Variants in SUPT3H observed in about 807,000 individuals in gnomAD.
SUPT3H encodes transcription initiation protein SPT3 homolog.
In SUPT3H, 44 loss-of-function variants were observed where a neutral mutation model predicts 44.3. That is an observed-to-expected ratio of 0.99 (90% CI 0.78 to 1.28). The LOEUF is 1.28. Ranked by LOEUF, SUPT3H falls within the 50% of genes most tolerant of loss-of-function variation. The pLI is 0.00. For synonymous variants in SUPT3H, 124 were observed against 125.6 expected, an observed-to-expected ratio of 0.99 and a Z score of 0.09; for missense variants, 380 against 387.1, an observed-to-expected ratio of 0.98 and a Z score of 0.15.
At chr6:45,108,065 C>G (rs115405894) in intron 2 of SUPT3H, among the ~76,000 whole-genome samples, 3,387 of 152,310 alleles carry the variant, frequency 0.022, 127 homozygotes, top group African/African-American at 0.077. Flanking sequence ...TACTATCCAA[C>G]TTAATGGTGA....
At chr6:45,107,168 C>T (rs1289055927) in intron 2 of SUPT3H, among the ~76,000 whole-genome samples, 4 of 151,906 alleles carry the variant, frequency 2.6e-5, no homozygotes, top group African/African-American at 4.8e-5. Flanking sequence ...TGAAAATGCA[C>T]AATAATATAT....
intron 6 of SUPT3H, among the ~76,000 whole-genome samples, chr6:44,996,760 C>T (rs1781331385): frequency 1.3e-5 from 2 of 151,792 alleles, no homozygotes; most frequent in African/African-American, 4.8e-5. Context: ...TTCCATATTA[C>T]CTGTGGTTAT....
chr6:44,902,899 T>C (rs930388765), intron 10 of SUPT3H, among the ~76,000 whole-genome samples: 6 of 152,086 alleles, frequency 3.9e-5, no homozygotes, highest in African/African-American at 1.4e-4. Flanking sequence ...CTCAACTACA[T>C]GGAAACTGAA....
chr6:44,894,856 T>A (rs890899259), intron 10 of SUPT3H, among the ~76,000 whole-genome samples: 2 of 151,912 alleles, frequency 1.3e-5, no homozygotes, highest in African/African-American at 4.8e-5. Flanking sequence ...TATAACATTT[T>A]AAAATAATAT....
At chr6:44,912,655 T>C (rs1239764025) in intron 10 of SUPT3H, among the ~76,000 whole-genome samples, 3 of 152,184 alleles carry the variant, frequency 2.0e-5, no homozygotes, top group Non-Finnish European at 4.4e-5. Context: ...TCTTGATTAT[T>C]CCAGTTGTTG....
intron 2 of SUPT3H, among the ~76,000 whole-genome samples, chr6:45,221,154 A>G (rs1765981471): frequency 6.6e-6 from 1 of 152,184 alleles, no homozygotes; most frequent in South Asian, 2.1e-4. Context: ...GTTCTCACTC[A>G]TAGGTGGGAA....
chr6:44,983,341 A>T (rs1389895591), intron 6 of SUPT3H, among the ~76,000 whole-genome samples: 1 of 152,192 alleles, frequency 6.6e-6, no homozygotes, highest in African/African-American at 2.4e-5. Flanking sequence ...AGCCTTCAAA[A>T]ATTTACATTA....
chr6:45,277,906 A>G (rs1777288896), intron 2 of SUPT3H, among the ~76,000 whole-genome samples: 1 of 152,214 alleles, frequency 6.6e-6, no homozygotes, highest in South Asian at 2.1e-4. Flanking sequence ...TGATTTCCTC[A>G]AAGCACTACA....
At chr6:45,322,868 C>T in intron 2 of SUPT3H, 4 of 1,610,016 alleles carry the variant, frequency 2.5e-6, no homozygotes, top group Non-Finnish European at 3.4e-6. Context: ...ACTGGAGAGC[C>T]TCTGTCTCAC....
intron 2 of SUPT3H, among the ~76,000 whole-genome samples, chr6:45,117,984 T>C (rs559688767): frequency 6.6e-6 from 1 of 152,150 alleles, no homozygotes; most frequent in African/African-American, 2.4e-5. Flanking sequence ...CAGTTTGTTC[T>C]CTAGAACATG....
rs1465570012 is a variant in SUPT3H, at chr6:44,930,208, C to T, written c.912+2445G>A. 2.9e-4 allele frequency among the ~76,000 whole-genome samples: 44 copies of T among 152,062 alleles called. 1 individual carries two copies. The highest frequency in any genetic ancestry group is 2.9e-3 in the Admixed American group (44 of 15,274). The stretch of plus-strand genomic sequence containing the variant: ...CCTGGCTAACATGGTGAAACCCCGT[C>T]TCTACTAAAAAACACACACAAAATT... On this transcript the variant is annotated intron_variant, in intron 10 of 10. Transcript: ENST00000371459.
At chr6:44,904,481 C>A (rs1020550603) in intron 10 of SUPT3H, among the ~76,000 whole-genome samples, 1 of 152,100 alleles carries the variant, frequency 6.6e-6, no homozygotes, top group African/African-American at 2.4e-5. Context: ...AGGACCTCTT[C>A]AAGGAGAAGT....
intron 4 of SUPT3H, among the ~76,000 whole-genome samples, chr6:45,017,581 A>T (rs954935124): frequency 6.6e-6 from 1 of 152,002 alleles, no homozygotes; most frequent in Non-Finnish European, 1.5e-5. Context: ...CAGTTTTCCC[A>T]GCACCATTTA....
intron 3 of SUPT3H, among the ~76,000 whole-genome samples, chr6:45,023,612 T>C (rs1785494512): frequency 6.6e-6 from 1 of 152,174 alleles, no homozygotes; most frequent in African/African-American, 2.4e-5. Flanking sequence ...AATGAGATCA[T>C]GTCTTTTGTG....
chr6:45,015,106 T>C (rs1406504159), intron 4 of SUPT3H, among the ~76,000 whole-genome samples: 1 of 152,138 alleles, frequency 6.6e-6, no homozygotes, highest in Non-Finnish European at 1.5e-5. Context: ...TTTACAAATA[T>C]TCGGATGTTC....
intron 2 of SUPT3H, among the ~76,000 whole-genome samples, chr6:45,120,634 T>C (rs1801528117): frequency 6.6e-6 from 1 of 151,986 alleles, no homozygotes; most frequent in Non-Finnish European, 1.5e-5. Context: ...ATGATGTCTA[T>C]ATCAATAACC....
At chr6:45,206,642 G>A (rs564816388) in intron 2 of SUPT3H, among the ~76,000 whole-genome samples, 1 of 152,236 alleles carries the variant, frequency 6.6e-6, no homozygotes, top group Non-Finnish European at 1.5e-5. Context: ...AGGAGCAAAA[G>A]TAGTTGCAGA....
chr6:45,277,322 G>T (rs574201564), intron 2 of SUPT3H, among the ~76,000 whole-genome samples: 1 of 152,108 alleles, frequency 6.6e-6, no homozygotes, highest in African/African-American at 2.4e-5. Flanking sequence ...AGGAGGTTTA[G>T]ATTAGAATTA....
chr6:45,053,674 G>A lies in SUPT3H; in HGVS notation c.187-33042C>T, dbSNP rs1790660165. Among the ~76,000 whole-genome samples, 3 of 148,576 alleles carry A rather than the reference G, an allele frequency of 2.0e-5. No homozygotes were observed. The South Asian group carries it at 6.4e-4, about 32-fold the overall frequency. ...AGCACTTTGGGAGGCCGAAGCAGGC[G>A]GATCACCAGGTCAGGAGATCAAGAC... is the stretch of plus-strand genomic sequence containing the variant. On this transcript the variant is annotated intron_variant, in intron 3 of 10. Transcript: ENST00000371459.
Sources: gnomAD v4.1 joint callset for allele counts (sites outside exome capture counted in the v4.1 genomes callset) on GRCh38, gnomAD v4.1.1 for gene constraint, MANE v1.5 for transcripts, NCBI Gene and HGNC (gene_info 2026-07-23, HGNC 2026-07-21) for gene names.